SVEP1: variants seen among roughly 807,000 people sequenced by gnomAD.
SVEP1 encodes the protein sushi, von Willebrand factor type A, EGF and pentraxin domain containing 1, also known as sushi, von Willebrand factor type A, EGF and pentraxin domain-containing protein 1.
A neutral mutation model predicts 367.3 loss-of-function variants in SVEP1; 164 were observed. The observed-to-expected ratio is 0.45, with a 90% confidence interval of 0.39 to 0.51. The LOEUF is 0.51. Ranked by LOEUF, SVEP1 falls within the 20% of genes least tolerant of loss-of-function variation. The pLI, the probability that SVEP1 is intolerant of heterozygous loss-of-function variation, is 0.00. For missense variants in SVEP1, 4,117 were observed against 4,425.3 expected, an observed-to-expected ratio of 0.93 and a Z score of 1.98; for synonymous variants, 1,666 against 1,611.6, an observed-to-expected ratio of 1.03 and a Z score of -0.81.
chr9:110,449,443 A>G (rs955120693), intron 24 of SVEP1, among the ~76,000 whole-genome samples: 1 of 152,224 alleles, frequency 6.6e-6, no homozygotes, highest in Non-Finnish European at 1.5e-5. Flanking sequence ...TAAAAACTTT[A>G]GCTAAAGCAC....
intron 8 of SVEP1, among the ~76,000 whole-genome samples, chr9:110,493,996 C>T (rs1358318405): frequency 6.6e-6 from 1 of 152,122 alleles, no homozygotes; most frequent in Non-Finnish European, 1.5e-5. Context: ...TCTCTCAAAT[C>T]CTTCTGTTAT....
chr9:110,370,975 A>T (rs1245335974), intron 46 of SVEP1, among the ~76,000 whole-genome samples: 1 of 152,230 alleles, frequency 6.6e-6, no homozygotes, highest in Non-Finnish European at 1.5e-5. Context: ...TCCTTTCTTC[A>T]GTCATTCATT....
intron 22 of SVEP1, among the ~76,000 whole-genome samples, chr9:110,454,824 G>C (rs1186444377): frequency 6.6e-6 from 1 of 152,148 alleles, no homozygotes; most frequent in African/African-American, 2.4e-5. Context: ...AAGAAAGGTG[G>C]TGTGGGCTGC....
chr9:110,478,264 C>T (rs549942576), intron 13 of SVEP1, among the ~76,000 whole-genome samples: 1 of 152,276 alleles, frequency 6.6e-6, no homozygotes, highest in South Asian at 2.1e-4. Flanking sequence ...ATAGCATACG[C>T]CATCTGACAT....
At chr9:110,437,146 G>A (rs531663348) in intron 27 of SVEP1, among the ~76,000 whole-genome samples, 3 of 152,120 alleles carry the variant, frequency 2.0e-5, no homozygotes, top group Non-Finnish European at 4.4e-5. Context: ...TCCTTGCCCC[G>A]TCTTCTCTTT....
chr9:110,373,631 T>TTTTTTTTTTTTTTTTTTTTTTTG (rs1564121570), intron 46 of SVEP1, among the ~76,000 whole-genome samples: 1 of 152,080 alleles, frequency 6.6e-6, no homozygotes, highest in Admixed American at 6.5e-5. Flanking sequence ...CCCTATGTTT[T>TTTTTTTTTTTTTTTTTTTTTTTG]AAGTGGTGGC....
At chr9:110,528,038 A>C (rs1829962688) in intron 3 of SVEP1, among the ~76,000 whole-genome samples, 1 of 150,404 alleles carries the variant, frequency 6.6e-6, no homozygotes, top group African/African-American at 2.4e-5. Flanking sequence ...ACATTATTTC[A>C]TTCATTTTAT....
At chr9:110,530,436 T>C (rs891148517) in intron 3 of SVEP1, among the ~76,000 whole-genome samples, 2 of 152,206 alleles carry the variant, frequency 1.3e-5, no homozygotes, top group African/African-American at 4.8e-5. Flanking sequence ...GAATAGAATA[T>C]GATGAAAAGT....
At position 110,366,594 on chromosome 9, in the gene SVEP1, C is replaced by G. The variant is rs1455004165; in HGVS notation, c.10695-34G>C. The G allele has an allele frequency of 4.6e-6, 7 of 1,506,160 alleles. No individual in the cohort carries two copies. The South Asian group carries it at 5.2e-5, about 11-fold the overall frequency. The allele number at this position is 1,506,160 out of a possible 1,614,324, so 93.3% of individuals were successfully genotyped here. Reference sequence around the variant, plus strand: ...AAAAAAAAAAGCAACCAAATAGATTCAAAAGAAAAAATTGAACTGAAGAGC... The same window carrying G: ...AAAAAAAAAAGCAACCAAATAGATTGAAAAGAAAAAATTGAACTGAAGAGC... On this transcript the variant is annotated intron_variant, in intron 47 of 47. Coordinates refer to ENST00000374469, the MANE Select transcript of SVEP1 (RefSeq NM_153366.4).
At chr9:110,566,355 TAAA>T (rs1426706478) in intron 1 of SVEP1, among the ~76,000 whole-genome samples, 34 of 150,422 alleles carry the variant, frequency 2.3e-4, no homozygotes, top group African/African-American at 8.3e-4. Flanking sequence ...AATAAATAAA[TAAA>T]TAAATAAATA....
At chr9:110,416,011 T>C (rs1013888854) in intron 36 of SVEP1, among the ~76,000 whole-genome samples, 4 of 151,856 alleles carry the variant, frequency 2.6e-5, no homozygotes, top group Non-Finnish European at 5.9e-5. Context: ...TAATGTAAAA[T>C]TAGGTTCTTG....
rs753799251 is a variant in SVEP1 at position 110,450,140 on chromosome 9, C to A, written c.4022G>T (p.Arg1341Leu). Residue 1341 changes from arginine (R) to leucine (L), a missense_variant, in exon 24 of 48, where the codon CGA becomes CTA. By Grantham distance (102) the Arg-to-Leu change is moderately radical (BLOSUM62 -2). Transcript: ENST00000374469. ...ACACTCATCGACGTTCTTTCCACAT[C>A]GGGTACCCAAAAATCCAGGTGGGCA... is the stretch of plus-strand genomic sequence containing the variant. ...CKCPPGFLGT[R>L]CGKNVDECLS... 15 of 1,613,824 alleles carry A rather than the reference C, an allele frequency of 9.3e-6. No homozygotes were observed. In the East Asian group the frequency reaches 2.5e-4, roughly 26 times the overall value.
At position 110,377,319 on chromosome 9, in the gene SVEP1, T is replaced by C. The variant is rs1352003350; in HGVS notation, c.10456A>G (p.Asn3486Asp). The stretch of plus-strand genomic sequence containing the variant: ...CAGCCCTCTGGACAGGAACAAGCAT[T>C]TGGGCGTTGGCAGATGCCCCCATTC... ...CQNGGICQRP[N>D]ACSCPEGWMG... The change falls in exon 45 of 48, where the codon AAT becomes GAT. Residue 3486 changes from asparagine to aspartate, a missense_variant. Asn to Asp is a conservative substitution (Grantham distance 23, BLOSUM62 1). Coordinates refer to ENST00000374469, the MANE Select transcript of SVEP1 (RefSeq NM_153366.4). The C allele has an allele frequency of 6.2e-7, 1 of 1,613,800 alleles. No homozygotes were observed. Among genetic ancestry groups the C allele is most frequent in the Non-Finnish European group, 8.5e-7 (1 of 1,179,774 alleles).
chr9:110,528,150 GTGTGTGTATATATA>G (rs1439970858), intron 3 of SVEP1, among the ~76,000 whole-genome samples: 12 of 42,716 alleles, frequency 2.8e-4, no homozygotes, highest in Non-Finnish European at 4.3e-4. Context: ...GTGTGTGTGT[GTGTGTGTATATATA>G]TATATATATA....
At chr9:110,434,552 G>T (rs776851036) in intron 29 of SVEP1, 46 bp from the exon 30 acceptor site, 1 of 1,563,708 alleles carries the variant, frequency 6.4e-7, no homozygotes, top group East Asian at 2.4e-5. Context: ...CGGCATAGTG[G>T]TAGCATCACC....
chr9:110,462,831 G>A (rs2118646569), intron 18 of SVEP1, among the ~76,000 whole-genome samples: 1 of 152,024 alleles, frequency 6.6e-6, no homozygotes, highest in Non-Finnish European at 1.5e-5. Context: ...CACTTGTGCT[G>A]TTCTCTGACA....
At chr9:110,371,953 C>T (rs1253541011) in intron 46 of SVEP1, among the ~76,000 whole-genome samples, 1 of 152,188 alleles carries the variant, frequency 6.6e-6, no homozygotes, top group African/African-American at 2.4e-5. Flanking sequence ...CATGATTTTC[C>T]TGCTTAAGAT....
intron 5 of SVEP1, among the ~76,000 whole-genome samples, chr9:110,507,316 G>A (rs1165489403): frequency 6.6e-6 from 1 of 152,122 alleles, no homozygotes; most frequent in African/African-American, 2.4e-5. Context: ...TTCATACCAT[G>A]CATACATTTA....
chr9:110,379,028 T>G (rs10980350), intron 44 of SVEP1, among the ~76,000 whole-genome samples: 3 of 150,632 alleles, frequency 2.0e-5, no homozygotes, highest in Non-Finnish European at 4.4e-5. Context: ...TAGCAAATAT[T>G]TGTAGAATGA....
Sources: gnomAD v4.1 joint callset for allele counts (sites outside exome capture counted in the v4.1 genomes callset) on GRCh38, gnomAD v4.1.1 for gene constraint, MANE v1.5 for transcripts, NCBI Gene and HGNC (gene_info 2026-07-23, HGNC 2026-07-21) for gene names.